The following MYO9A variants were observed in gnomAD, a reference collection of about 807,000 sequenced individuals.
The protein encoded by MYO9A is unconventional myosin-IXa.
A neutral mutation model predicts 293.3 loss-of-function variants in MYO9A; 103 were observed. The observed-to-expected ratio is 0.35, with a 90% CI of 0.30 to 0.41. The LOEUF (loss-of-function observed/expected upper bound fraction) is 0.41. MYO9A is among the 10% of genes least tolerant of loss of function. The pLI is 1.00. For missense variants in MYO9A, 2,685 were observed against 3,033.0 expected, an observed-to-expected ratio of 0.89 and a Z score of 2.69; for synonymous variants, 1,001 against 1,035.7, an observed-to-expected ratio of 0.97 and a Z score of 0.64.
chr15:72,023,643 T>G (rs920003846), intron 4 of MYO9A, among the ~76,000 whole-genome samples: 4 of 138,824 alleles, frequency 2.9e-5, no homozygotes, highest in African/African-American at 8.2e-5. Context: ...TGTACTAAGC[T>G]GAGATCACAC....
intron 1 of MYO9A, among the ~76,000 whole-genome samples, chr15:72,106,399 G>A (rs2080570210): frequency 6.6e-6 from 1 of 152,340 alleles, no homozygotes; most frequent in East Asian, 1.9e-4. Flanking sequence ...GGCTAAGGCA[G>A]AAGGATGGCT....
At chr15:71,844,066 C>A (rs1297113734) in intron 39 of MYO9A, among the ~76,000 whole-genome samples, 1 of 152,150 alleles carries the variant, frequency 6.6e-6, no homozygotes, top group East Asian at 1.9e-4. Flanking sequence ...AGCTATATAG[C>A]TTTTTACAGA....
intron 41 of MYO9A, among the ~76,000 whole-genome samples, 196 bp downstream of exon 41, chr15:71,827,687 AT>A (rs1190642180): frequency 7.9e-5 from 12 of 152,168 alleles, no homozygotes; most frequent in African/African-American, 2.9e-4. Context: ...TATATTTCTT[AT>A]CCCCATCCAG....
intron 21 of MYO9A, 112 bp from the exon 22 acceptor site, chr15:71,903,175 C>A: frequency 1.1e-6 from 1 of 873,000 alleles, no homozygotes; most frequent in Non-Finnish European, 1.7e-6. Context: ...CAGGGTGAAA[C>A]CAAGACGTGC....
rs774520444 is a variant in MYO9A at position 71,878,103 on chromosome 15, A to C, written c.5868T>G (p.Thr1956=). 1.2e-6 allele frequency: 2 copies of C among 1,611,726 alleles called. No homozygotes were observed. Among genetic ancestry groups the C allele is most frequent in the Non-Finnish European group, 1.7e-6 (2 of 1,179,366 alleles). The change falls in exon 31 of 42, where the codon ACT becomes ACG. Residue 1956 remains threonine (T), a synonymous_variant. Transcript: ENST00000356056. ...TATATTCATCTAAAAACACTTTAAA[A>C]GTGTTGACCCAAACTCTCACTGGAG... is the stretch of plus-strand genomic sequence containing the variant. ...GESPVRVWVN[T]FKVFLDEYMN... is the part of the protein sequence containing the mutation.
intron 2 of MYO9A, chr15:72,036,421 T>C (rs559514868): frequency 7.9e-5 from 12 of 152,306 alleles, no homozygotes; most frequent in African/African-American, 2.9e-4. Context: ...GCAAGAACCC[T>C]TGGCAGAGGC....
intron 25 of MYO9A, 37 bp from the exon 26 acceptor site, chr15:71,893,815 A>C: frequency 6.5e-7 from 1 of 1,542,624 alleles, no homozygotes; most frequent in South Asian, 1.1e-5. Flanking sequence ...TTCAGTTCTT[A>C]GCAGATATCC....
intron 20 of MYO9A, 82 bp from the exon 21 acceptor site, chr15:71,904,121 A>G: frequency 9.2e-7 from 1 of 1,084,014 alleles, no homozygotes; most frequent in South Asian, 1.4e-5. Context: ...CTAACTGTTG[A>G]GTATCTAGAG....
At chr15:72,010,648 T>C (rs2077145689) in intron 6 of MYO9A, among the ~76,000 whole-genome samples, 1 of 152,180 alleles carries the variant, frequency 6.6e-6, no homozygotes, top group Admixed American at 6.5e-5. Flanking sequence ...CTTACTAAAA[T>C]ACCAATAAGT....
At chr15:71,967,476 T>C (rs1158084837) in intron 13 of MYO9A, among the ~76,000 whole-genome samples, 1 of 152,142 alleles carries the variant, frequency 6.6e-6, no homozygotes, top group Non-Finnish European at 1.5e-5. Flanking sequence ...ACCTGGGAAA[T>C]TAAATGCCTG....
intron 12 of MYO9A, among the ~76,000 whole-genome samples, chr15:71,970,534 T>C (rs1362951256): frequency 6.6e-6 from 1 of 152,226 alleles, no homozygotes; most frequent in Non-Finnish European, 1.5e-5. Flanking sequence ...ATTTTCAATC[T>C]AGTTTTTTTA....
At chr15:72,018,661 T>C (rs925552264) in intron 6 of MYO9A, among the ~76,000 whole-genome samples, 1 of 151,978 alleles carries the variant, frequency 6.6e-6, no homozygotes, top group Non-Finnish European at 1.5e-5. Flanking sequence ...TTACTACTCA[T>C]AGTATGTAGG....
In MYO9A at chr15:72,046,581, C is replaced by T; in HGVS notation, c.-18G>A. On this transcript the variant is annotated 5_prime_UTR_variant, in exon 2 of 42. The change abolishes the stop of an existing upstream ORF in the 5' untranslated region. Coordinates refer to ENST00000356056, the MANE Select transcript of MYO9A (RefSeq NM_006901.4). ...ATATTCATATTGGATCCTGTCCCAT[C>T]AGCATGGATAGTATATGTTCAAAGT... The T allele has an allele frequency of 6.4e-7, 1 of 1,559,654 alleles. No homozygotes were observed. Among genetic ancestry groups the T allele is most frequent in the Non-Finnish European group, 8.7e-7 (1 of 1,154,464 alleles).
intron 19 of MYO9A, among the ~76,000 whole-genome samples, chr15:71,914,916 T>A (rs1480365338): frequency 1.3e-5 from 2 of 152,184 alleles, no homozygotes; most frequent in African/African-American, 4.8e-5. Flanking sequence ...ACATGGCACC[T>A]GTAAAAGATC....
chr15:71,866,477 C>G (rs550780191), intron 32 of MYO9A, among the ~76,000 whole-genome samples: 10 of 151,274 alleles, frequency 6.6e-5, no homozygotes, highest in African/African-American at 2.4e-4. Context: ...TTGGTCTGGG[C>G]AACAGACCCC....
At chr15:71,866,436 G>A (rs2056328315) in intron 32 of MYO9A, among the ~76,000 whole-genome samples, 1 of 152,068 alleles carries the variant, frequency 6.6e-6, no homozygotes, top group African/African-American at 2.4e-5. Flanking sequence ...AGGGTAAGGT[G>A]GGAGGATCAC....
chr15:71,923,741 T>C (rs937215616), intron 18 of MYO9A, among the ~76,000 whole-genome samples: 1 of 152,212 alleles, frequency 6.6e-6, no homozygotes, highest in Non-Finnish European at 1.5e-5. Flanking sequence ...TCTTTTCCTT[T>C]TAAAATTTTG....
Position 72,033,924 on chromosome 15 carries a change from T to C in MYO9A, c.841-1336A>G, listed in dbSNP as rs16956502. On this transcript the variant is annotated intron_variant, in intron 2 of 41. Transcript: ENST00000356056. ...GAGATGATTCATTGCGGAGCTTTTT[T>C]CTTCTCCTACAATAATCTCATGGGA... Among the ~76,000 whole-genome samples the C allele has an allele frequency of 8.3e-4, 126 of 152,348 alleles. No homozygotes were observed. In the East Asian group the frequency reaches 0.019, roughly 23 times the overall value.
At chr15:71,905,150 T>C (rs1167999676) in intron 19 of MYO9A, 144 bp from the exon 20 acceptor site, 4 of 531,042 alleles carry the variant, frequency 7.5e-6, no homozygotes, top group Non-Finnish European at 1.3e-5. Flanking sequence ...ACATTGTGTA[T>C]ATTCTCATAC....
Sources: gnomAD v4.1 joint callset for allele counts (sites outside exome capture counted in the v4.1 genomes callset) on GRCh38, gnomAD v4.1.1 for gene constraint, MANE v1.5 for transcripts, NCBI Gene and HGNC (gene_info 2026-07-23, HGNC 2026-07-21) for gene names.